LCORL: variants seen among roughly 807,000 people sequenced by gnomAD.
LCORL encodes ligand dependent nuclear receptor corepressor like, also known as ligand-dependent nuclear receptor corepressor-like protein.
LCORL carries 41 observed loss-of-function variants against 141.8 expected under a neutral mutation model. That is an observed-to-expected ratio of 0.29 (90% confidence interval 0.23 to 0.38). The LOEUF is 0.38. LCORL is among the 10% of genes least tolerant of loss of function. The probability of loss-of-function intolerance (pLI) is 1.00; values close to 1 mark genes in which losing one functional copy is unlikely to be tolerated. For synonymous variants in LCORL, 618 were observed against 694.1 expected (o/e 0.89, Z 1.72); for missense variants, 1,759 against 2,035.0 (o/e 0.86, Z 2.61).
At chr4:17,908,108 C>T (rs184308226) in intron 5 of LCORL, among the ~76,000 whole-genome samples, 2 of 152,218 alleles carry the variant, frequency 1.3e-5, no homozygotes, top group African/African-American at 4.8e-5. Flanking sequence ...TCTCGGCTCA[C>T]GGCAACCTCT....
intron 7 of LCORL, among the ~76,000 whole-genome samples, chr4:17,864,859 C>T (rs927789072): frequency 3.3e-5 from 5 of 152,114 alleles, no homozygotes; most frequent in African/African-American, 4.8e-5. Flanking sequence ...TAGTAGTTAT[C>T]AGATAAATTA....
At chr4:17,960,497 T>C (rs1713560836) in intron 4 of LCORL, among the ~76,000 whole-genome samples, 1 of 152,218 alleles carries the variant, frequency 6.6e-6, no homozygotes, top group African/African-American at 2.4e-5. Context: ...TGTGTGCATG[T>C]GTGTAAATGT....
intron 4 of LCORL, among the ~76,000 whole-genome samples, chr4:17,945,421 T>A (rs1223549253): frequency 1.3e-5 from 2 of 151,866 alleles, no homozygotes; most frequent in African/African-American, 2.4e-5. Flanking sequence ...GTTTTTTTTT[T>A]TACACTAGAA....
intron 4 of LCORL, among the ~76,000 whole-genome samples, chr4:17,923,253 A>G (rs1734582324): frequency 6.6e-6 from 1 of 152,244 alleles, no homozygotes; most frequent in South Asian, 2.1e-4. Context: ...TTATGGATTT[A>G]GGCTCACTAA....
chr4:17,874,129 A>T, exon 7 of LCORL: 2 of 1,233,970 alleles, frequency 1.6e-6, no homozygotes, highest in Non-Finnish European at 2.0e-6. Flanking sequence ...TTAGAGTTCC[A>T]GTCAACTGTT....
chr4:17,960,816 T>C (rs1471046282), intron 4 of LCORL, among the ~76,000 whole-genome samples: 3 of 152,088 alleles, frequency 2.0e-5, no homozygotes, highest in Non-Finnish European at 2.9e-5. Context: ...TTAAAGATAA[T>C]GCAGATTTCT....
intron 4 of LCORL, among the ~76,000 whole-genome samples, chr4:17,916,643 CTTTTTTTTTTTT>C (rs1057287592): frequency 8.8e-6 from 1 of 113,134 alleles, no homozygotes; most frequent in South Asian, 3.3e-4. Flanking sequence ...AATTAAATGT[CTTTTTTTTTTTT>C]TTTTTTTTTT....
chr4:17,950,531 C>A (rs1279360723), intron 4 of LCORL, among the ~76,000 whole-genome samples: 1 of 152,060 alleles, frequency 6.6e-6, no homozygotes, highest in Non-Finnish European at 1.5e-5. Context: ...TAAGATGATA[C>A]TATTAGCCAA....
At chr4:17,962,464 C>T (rs920945193) in intron 3 of LCORL, among the ~76,000 whole-genome samples, 10 of 152,028 alleles carry the variant, frequency 6.6e-5, no homozygotes, top group African/African-American at 2.4e-4. Context: ...TCCCACCACA[C>T]AAGAAGATGC....
chr4:17,849,168 G>T (rs1241460864), intron 7 of LCORL, among the ~76,000 whole-genome samples: 1 of 152,238 alleles, frequency 6.6e-6, no homozygotes, highest in Non-Finnish European at 1.5e-5. Flanking sequence ...TGACAGCTTT[G>T]AAGAGAGCAG....
intron 4 of LCORL, among the ~76,000 whole-genome samples, chr4:17,917,682 GT>G (rs1733667585): frequency 6.6e-6 from 1 of 152,208 alleles, no homozygotes; most frequent in Non-Finnish European, 1.5e-5. Context: ...AAGGTGACTG[GT>G]TGTCTTCCAG....
intron 1 of LCORL, among the ~76,000 whole-genome samples, chr4:18,015,046 AT>A (rs1419651036): frequency 6.6e-6 from 1 of 152,226 alleles, no homozygotes; most frequent in Non-Finnish European, 1.5e-5. Context: ...AATGTAGGTT[AT>A]TACAATTGAA....
intron 7 of LCORL, among the ~76,000 whole-genome samples, chr4:17,848,163 G>C (rs1723161793): frequency 6.6e-6 from 1 of 152,048 alleles, no homozygotes; most frequent in Non-Finnish European, 1.5e-5. Context: ...TGTATGGGAA[G>C]AAAATGTCAG....
intron 7 of LCORL, among the ~76,000 whole-genome samples, chr4:17,866,423 C>T (rs1725661334): frequency 6.6e-6 from 1 of 152,154 alleles, no homozygotes; most frequent in African/African-American, 2.4e-5. Flanking sequence ...TCTGGTTTTG[C>T]CCCCACTATT....
At chr4:17,960,020 C>T (rs1713468122) in intron 4 of LCORL, among the ~76,000 whole-genome samples, 1 of 152,018 alleles carries the variant, frequency 6.6e-6, no homozygotes. Context: ...TTGGTCAGAC[C>T]ATTTGGAAAT....
chr4:17,881,288 T>C, intron 6 of LCORL: 1 of 979,322 alleles, frequency 1.0e-6, no homozygotes, highest in Non-Finnish European at 1.2e-6. Context: ...AAATAGTAAC[T>C]GGTAACTAAA....
chr4:17,888,854 T>C (rs1728667585), intron 5 of LCORL, among the ~76,000 whole-genome samples: 1 of 152,168 alleles, frequency 6.6e-6, no homozygotes, highest in South Asian at 2.1e-4. Context: ...CAAACTCATA[T>C]TCAAGTTTAT....
intron 2 of LCORL, among the ~76,000 whole-genome samples, chr4:17,969,918 A>T (rs1447643687): frequency 2.0e-5 from 3 of 152,312 alleles, no homozygotes; most frequent in Middle Eastern, 3.4e-3. Context: ...CTCCACCCTT[A>T]AAGTCGTGTT....
intron 1 of LCORL, among the ~76,000 whole-genome samples, chr4:18,011,829 G>A (rs994582362): frequency 2.0e-5 from 3 of 152,212 alleles, no homozygotes; most frequent in African/African-American, 7.2e-5. Context: ...TGGCCCTTTA[G>A]AGAAAAAGTT....
Sources: allele counts gnomAD v4.1 joint callset (sites outside exome capture counted in the v4.1 genomes callset), GRCh38; gene constraint gnomAD v4.1.1; transcripts MANE v1.5; gene names NCBI Gene and HGNC (gene_info 2026-07-23, HGNC 2026-07-21).